The following ORC4 variants were observed in gnomAD, a reference collection of about 807,000 sequenced individuals.
ORC4 encodes the protein origin recognition complex subunit 4.
ORC4 carries 55 observed loss-of-function variants against 63.9 expected under a neutral mutation model. The ratio of observed to expected loss-of-function variants is 0.86; its 90% CI spans 0.69 to 1.08. The LOEUF is 1.08. ORC4 is among the 50% of genes least tolerant of loss of function. ORC4 has a pLI of 0.00. For synonymous variants in ORC4, 150 were observed against 168.5 expected, an observed-to-expected ratio of 0.89 and a Z score of 0.85; for missense variants, 511 against 504.4, an observed-to-expected ratio of 1.01 and a Z score of -0.13.
At chr2:147,942,367 G>C (rs1409882680) in intron 10 of ORC4, among the ~76,000 whole-genome samples, 2 of 151,894 alleles carry the variant, frequency 1.3e-5, no homozygotes, top group Non-Finnish European at 2.9e-5. Flanking sequence ...TTTGATATTG[G>C]TATTATGTAA....
intron 1 of ORC4, among the ~76,000 whole-genome samples, chr2:147,994,551 G>T (rs1192637866): frequency 6.6e-6 from 1 of 152,074 alleles, no homozygotes; most frequent in Non-Finnish European, 1.5e-5. Context: ...ATAGTCAGCT[G>T]GTCTTTTACG....
chr2:148,015,066 C>T (rs928024751), intron 1 of ORC4, among the ~76,000 whole-genome samples: 15 of 150,182 alleles, frequency 1.0e-4, no homozygotes, highest in Middle Eastern at 3.2e-3. Context: ...GAATGCCACA[C>T]GATGATTGAA....
At chr2:147,945,261 A>G (rs2105277785) in intron 9 of ORC4, among the ~76,000 whole-genome samples, 1 of 152,192 alleles carries the variant, frequency 6.6e-6, no homozygotes, top group South Asian at 2.1e-4. Context: ...TTCAAAGGTT[A>G]ATCTTCTATA....
At chr2:148,020,348 G>A (rs1693623894) in intron 1 of ORC4, among the ~76,000 whole-genome samples, 1 of 152,136 alleles carries the variant, frequency 6.6e-6, no homozygotes. Context: ...CTTACACTCG[G>A]ACCGTCACGC....
chr2:147,994,728 T>C (rs1243396955), intron 1 of ORC4, among the ~76,000 whole-genome samples: 1 of 152,102 alleles, frequency 6.6e-6, no homozygotes, highest in South Asian at 2.1e-4. Context: ...TGCAAAACTA[T>C]AAAACTCCAA....
At chr2:147,936,009 TTTAA>T (rs1202374304) in intron 13 of ORC4, among the ~76,000 whole-genome samples, 1 of 152,210 alleles carries the variant, frequency 6.6e-6, no homozygotes, top group Non-Finnish European at 1.5e-5. Context: ...CTCCTAGTAC[TTTAA>T]TAAATAGTTT....
chr2:147,935,597 A>G lies in ORC4; in HGVS notation c.1224T>C (p.Asn408=), dbSNP rs952674142. 1.2e-6 allele frequency: 2 copies of G among 1,613,596 alleles called. No individual in the cohort carries two copies. Among genetic ancestry groups the G allele is most frequent in the African/African-American group, 2.7e-5 (2 of 74,916 alleles). The change falls in exon 14 of 14, where the codon AAT becomes AAC. Residue 408 remains asparagine, a synonymous_variant. Transcript: ENST00000392857. ...TCTGCAGAGCATTCATAATTTGAGT[A>G]TTATCCAAAAGCAGTTTCATCAGCT... is the stretch of plus-strand genomic sequence containing the variant. ...EYQLMKLLLD[N]TQIMNALQKY...
chr2:147,958,503 T>G, intron 5 of ORC4, 120 bp from the exon 6 acceptor site: 1 of 713,024 alleles, frequency 1.4e-6, no homozygotes, highest in Non-Finnish European at 2.4e-6. Flanking sequence ...ATCACTTTCT[T>G]CTTAAAACTT....
At chr2:148,002,023 A>C (rs542925878) in intron 1 of ORC4, among the ~76,000 whole-genome samples, 20 of 152,364 alleles carry the variant, frequency 1.3e-4, no homozygotes, top group Middle Eastern at 3.4e-3. Flanking sequence ...AGGACATTAC[A>C]TAATGACAAA....
chr2:148,002,646 C>T (rs954993943), intron 1 of ORC4, among the ~76,000 whole-genome samples: 6 of 151,822 alleles, frequency 4.0e-5, no homozygotes, highest in African/African-American at 1.5e-4. Flanking sequence ...ACTAAATGCC[C>T]ACAGAAGAAA....
In ORC4 at chr2:147,969,406, T is replaced by A. The variant is rs188708668; in HGVS notation, c.225+3333A>T. On this transcript the variant is annotated intron_variant, in intron 4 of 13. Transcript: ENST00000392857. ...TCACTATATATCCCATGAAAGTGTA[T>A]AATTATTATGAGTCAATTTAAAAAT... Among the ~76,000 whole-genome samples, 1,074 of 152,166 alleles carry A rather than the reference T, an allele frequency of 7.1e-3. 7 individuals carry two copies. The highest frequency in any genetic ancestry group is 0.011 in the Admixed American group (173 of 15,286).
rs565092069 is a variant in ORC4 at position 147,995,717 on chromosome 2, C to T, written c.-17-19742G>A. ...TCCGCTGCTTCACTCCCGAAGTTAG[C>T]GAGACCACGAACCCAATGGAAGGAA... On this transcript the variant is annotated intron_variant, in intron 1 of 13. Coordinates refer to ENST00000392857, the MANE Select transcript of ORC4 (RefSeq NM_181741.4). 3.3e-5 allele frequency among the ~76,000 whole-genome samples: 5 copies of T among 152,146 alleles called. No individual in the cohort carries two copies. In the East Asian group the frequency reaches 9.7e-4, roughly 29 times the overall value.
At chr2:147,988,755 T>C (rs766307199) in intron 1 of ORC4, among the ~76,000 whole-genome samples, 3 of 149,490 alleles carry the variant, frequency 2.0e-5, no homozygotes, top group African/African-American at 7.4e-5. Flanking sequence ...TGGCTGCCTG[T>C]CAACAGCATG....
intron 3 of ORC4, among the ~76,000 whole-genome samples, chr2:147,973,075 G>A (rs1378995495): frequency 6.6e-6 from 1 of 152,124 alleles, no homozygotes; most frequent in African/African-American, 2.4e-5. Context: ...TTATACGATA[G>A]TAGGGGACAA....
chr2:148,021,394 T>C, upstream of ORC4: 1 of 475,326 alleles, frequency 2.1e-6, no homozygotes, highest in African/African-American at 2.0e-5. Flanking sequence ...CCTCCTCCTC[T>C]TTGGCCGTGA....
chr2:148,002,345 T>C (rs920146608), intron 1 of ORC4, among the ~76,000 whole-genome samples: 27 of 152,230 alleles, frequency 1.8e-4, no homozygotes, highest in East Asian at 1.9e-4. Context: ...TATTCTAAAA[T>C]TGACCACATA....
rs561157369 is a variant in ORC4 at position 147,957,902 on chromosome 2, A to G, written c.387+396T>C. 3.9e-5 allele frequency among the ~76,000 whole-genome samples: 6 copies of G among 152,282 alleles called. No homozygotes were observed. In the South Asian group the frequency reaches 1.2e-3, roughly 32 times the overall value. ...ACCCACCTATTGCAGCCTCAAATTT[A>G]GCACATTTTCTACTATACACAGGCT... On this transcript the variant is annotated intron_variant, in intron 6 of 13. Coordinates refer to ENST00000392857, the MANE Select transcript of ORC4 (RefSeq NM_181741.4).
At chr2:148,005,782 T>C (rs1441878999) in intron 1 of ORC4, among the ~76,000 whole-genome samples, 1 of 151,288 alleles carries the variant, frequency 6.6e-6, no homozygotes, top group Non-Finnish European at 1.5e-5. Context: ...TCAAGACCAG[T>C]CTGGGCAACC....
intron 1 of ORC4, among the ~76,000 whole-genome samples, chr2:147,994,988 G>A (rs1180303338): frequency 6.6e-6 from 1 of 152,164 alleles, no homozygotes; most frequent in Non-Finnish European, 1.5e-5. Context: ...TCTAGCTAGA[G>A]GACTGTAAAT....
Sources: allele counts gnomAD v4.1 joint callset (sites outside exome capture counted in the v4.1 genomes callset), GRCh38; gene constraint gnomAD v4.1.1; transcripts MANE v1.5; gene names NCBI Gene and HGNC (gene_info 2026-07-23, HGNC 2026-07-21).